Variants in ARAP2 observed in about 807,000 individuals in gnomAD.
ARAP2 encodes arf-GAP with Rho-GAP domain, ANK repeat and PH domain-containing protein 2.
Under a neutral mutation model 194.5 loss-of-function variants are expected in ARAP2, and 148 were observed. The observed-to-expected ratio is 0.76, with a 90% CI of 0.67 to 0.87. ARAP2 has a LOEUF of 0.87. Ranked by LOEUF, ARAP2 falls within the 40% of genes least tolerant of loss-of-function variation. The pLI is 0.00. For synonymous variants in ARAP2, 695 were observed against 683.5 expected, an observed-to-expected ratio of 1.02 and a Z score of -0.26; for missense variants, 2,128 against 1,989.7, an observed-to-expected ratio of 1.07 and a Z score of -1.32.
intron 9 of ARAP2, among the ~76,000 whole-genome samples, chr4:36,009,798 C>T (rs34340164): frequency 0.65 from 97,251 of 149,810 alleles, 31,634 homozygotes; most frequent in Admixed American, 0.76. Flanking sequence ...AAAAGGAACT[C>T]TTCCCAGATG....
intron 7 of ARAP2, among the ~76,000 whole-genome samples, chr4:36,193,184 T>C (rs545382252): frequency 1.3e-5 from 2 of 152,322 alleles, no homozygotes; most frequent in South Asian, 2.1e-4. Context: ...TGTTGCAGTA[T>C]GTGTTACTGT....
chr4:36,072,345 A>G (rs963873237), intron 32 of ARAP2, among the ~76,000 whole-genome samples: 2 of 152,092 alleles, frequency 1.3e-5, no homozygotes, highest in African/African-American at 4.8e-5. Context: ...CAGTTTTCCT[A>G]TCTTAAATAT....
At chr4:36,108,478 T>C (rs1320010770) in intron 26 of ARAP2, among the ~76,000 whole-genome samples, 1 of 151,918 alleles carries the variant, frequency 6.6e-6, no homozygotes, top group Non-Finnish European at 1.5e-5. Context: ...AAAATAGTAC[T>C]GAAGAGTCTA....
At chr4:36,126,235 G>A (rs551854043) in intron 21 of ARAP2, among the ~76,000 whole-genome samples, 25 of 151,922 alleles carry the variant, frequency 1.6e-4, no homozygotes, top group South Asian at 4.2e-4. Context: ...ATTTATCCTC[G>A]CGTTATCCAG....
intron 13 of ARAP2, chr4:36,160,007 G>C: frequency 2.3e-6 from 2 of 853,676 alleles, no homozygotes; most frequent in South Asian, 5.4e-5. Context: ...GGATAGGAAG[G>C]AGGAAGAACA....
intron 25 of ARAP2, among the ~76,000 whole-genome samples, chr4:36,115,193 C>T (rs1047667963): frequency 1.3e-5 from 2 of 151,914 alleles, no homozygotes; most frequent in Non-Finnish European, 2.9e-5. Context: ...GCAGGTAACT[C>T]GCAAAGTCTA....
chr4:36,023,909 G>GT (rs1416449135), intron 5 of ARAP2, among the ~76,000 whole-genome samples: 3 of 151,826 alleles, frequency 2.0e-5, no homozygotes, highest in African/African-American at 7.3e-5. Flanking sequence ...AATGACGTTT[G>GT]TTTTTTGTTC....
At chr4:36,064,825 A>G (rs896394928), downstream of ARAP2, among the ~76,000 whole-genome samples, 1 of 152,210 alleles carries the variant, frequency 6.6e-6, no homozygotes, top group African/African-American at 2.4e-5. Flanking sequence ...CACAGAAGGA[A>G]AGAGAGAAGC....
rs538053904 is a variant in ARAP2, at chr4:36,225,983, A to T, written c.905+2599T>A. 5.3e-5 allele frequency among the ~76,000 whole-genome samples: 8 copies of T among 152,300 alleles called. No homozygotes were observed. The South Asian group carries it at 1.7e-3, about 32-fold the overall frequency. On this transcript the variant is annotated intron_variant, in intron 2 of 32. Transcript: ENST00000303965. ...ATATTATAACACTTTAAAATCATGG[A>T]ATTACTATTTGCAACATAGGGAAGG...
At chr4:36,034,351 T>C (rs1225044656) in intron 5 of ARAP2, among the ~76,000 whole-genome samples, 1 of 152,096 alleles carries the variant, frequency 6.6e-6, no homozygotes, top group Non-Finnish European at 1.5e-5. Context: ...ATTGCAGAGA[T>C]CTCCCACTTC....
At chr4:36,011,999 A>G (rs1199417518) in intron 9 of ARAP2, among the ~76,000 whole-genome samples, 1 of 152,194 alleles carries the variant, frequency 6.6e-6, no homozygotes, top group Non-Finnish European at 1.5e-5. Flanking sequence ...TTATTCTAAA[A>G]TATCTAAAGC....
In ARAP2 at chr4:36,053,048, C is replaced by T. The variant is rs570599899; in HGVS notation, n.322-995G>A. Among the ~76,000 whole-genome samples, 3 of 152,164 alleles carry T rather than the reference C, an allele frequency of 2.0e-5. No homozygotes were observed. In the South Asian group the frequency reaches 6.2e-4, roughly 32 times the overall value. On this transcript the variant is annotated intron_variant and non_coding_transcript_variant, in intron 2 of 12. Coordinates refer to the ARAP2 transcript ENST00000503225. Reference sequence around the variant, plus strand: ...TTTTAGATGGAGTCTCATTTTGTTGCCCAGGCTGGAGTGCAGTGGCGCGTT... The same window carrying T: ...TTTTAGATGGAGTCTCATTTTGTTGTCCAGGCTGGAGTGCAGTGGCGCGTT...
rs1288626446 is a variant in ARAP2 at position 36,040,391 on chromosome 4, A to G, written n.607+5588T>C. The stretch of plus-strand genomic sequence containing the variant: ...TAGTTCTGTGAAGAATTAGATTAGT[A>G]TTTGGATAGGAATAGCATTGAACCG... On this transcript the variant is annotated intron_variant and non_coding_transcript_variant, in intron 5 of 12. Coordinates refer to the ARAP2 transcript ENST00000503225. Among the ~76,000 whole-genome samples, 4 of 152,170 alleles carry G rather than the reference A, an allele frequency of 2.6e-5. No homozygotes were observed. In the East Asian group the frequency reaches 7.7e-4, roughly 29 times the overall value.
chr4:36,204,987 C>CAAAAAAAAAAAAAAAAAAA (rs754960122), intron 6 of ARAP2, among the ~76,000 whole-genome samples: 1 of 35,072 alleles, frequency 2.9e-5, no homozygotes, highest in African/African-American at 1.3e-4. Flanking sequence ...GACTCCATCT[C>CAAAAAAAAAAAAAAAAAAA]AAAAAAAAAA....
chr4:36,090,777 A>G (rs1023135126), intron 28 of ARAP2, among the ~76,000 whole-genome samples: 1 of 152,116 alleles, frequency 6.6e-6, no homozygotes, highest in African/African-American at 2.4e-5. Context: ...AGCGTAGAGG[A>G]TTAGAAAAAA....
At chr4:36,028,100 A>C (rs990238116) in intron 5 of ARAP2, among the ~76,000 whole-genome samples, 2 of 152,184 alleles carry the variant, frequency 1.3e-5, no homozygotes, top group Admixed American at 1.3e-4. Flanking sequence ...TATGTTTTGA[A>C]TGTGGTACAG....
chr4:36,132,587 T>C (rs1725689598), intron 20 of ARAP2, among the ~76,000 whole-genome samples: 1 of 151,670 alleles, frequency 6.6e-6, no homozygotes, highest in South Asian at 2.1e-4. Context: ...AAAATAAACA[T>C]GAAGAACAGA....
At chr4:36,093,014 A>G (rs1714146664) in intron 27 of ARAP2, among the ~76,000 whole-genome samples, 1 of 152,192 alleles carries the variant, frequency 6.6e-6, no homozygotes, top group Non-Finnish European at 1.5e-5. Flanking sequence ...ATCATGGAGT[A>G]TTATGTGGCC....
intron 5 of ARAP2, among the ~76,000 whole-genome samples, chr4:36,022,409 C>A (rs529129493): frequency 1.3e-5 from 2 of 152,018 alleles, no homozygotes; most frequent in Non-Finnish European, 2.9e-5. Context: ...AACGGCAGGA[C>A]TTGGCAGGAA....
Sources: gnomAD v4.1 joint callset for allele counts (sites outside exome capture counted in the v4.1 genomes callset) on GRCh38, gnomAD v4.1.1 for gene constraint, MANE v1.5 for transcripts, NCBI Gene and HGNC (gene_info 2026-07-23, HGNC 2026-07-21) for gene names.